The following SPATS2 variants were observed in gnomAD, a reference collection of about 807,000 sequenced individuals.
SPATS2 encodes spermatogenesis associated serine rich 2.
In SPATS2, 38 loss-of-function variants were observed where a neutral mutation model predicts 63.7. The observed-to-expected ratio is 0.60, with a 90% CI of 0.46 to 0.78. The LOEUF is 0.78. SPATS2 is among the 30% of genes least tolerant of loss of function. SPATS2 has a pLI of 0.00. For synonymous variants in SPATS2, 207 were observed against 232.9 expected (o/e 0.89, Z 1.01); for missense variants, 588 against 666.2 (o/e 0.88, Z 1.29).
chr12:49,450,993 C>T (rs879458070), intron 2 of SPATS2, among the ~76,000 whole-genome samples: 5 of 151,574 alleles, frequency 3.3e-5, no homozygotes, highest in South Asian at 2.1e-4. Flanking sequence ...CTCAGCCTCC[C>T]GAGTAACTGG....
At chr12:49,509,054 ACT>A (rs1039060540) in intron 9 of SPATS2, among the ~76,000 whole-genome samples, 1 of 151,598 alleles carries the variant, frequency 6.6e-6, no homozygotes, top group Non-Finnish European at 1.5e-5. Context: ...ACAGAGTGAG[ACT>A]CTGTCTCAAA....
intron 3 of SPATS2, among the ~76,000 whole-genome samples, chr12:49,477,627 C>T (rs1232090291): frequency 6.6e-6 from 1 of 152,048 alleles, no homozygotes; most frequent in Non-Finnish European, 1.5e-5. Context: ...GATGGCGTTA[C>T]TCTTAAATAA....
chr12:49,492,551 G>A (rs1017869581), intron 6 of SPATS2, among the ~76,000 whole-genome samples: 24 of 152,112 alleles, frequency 1.6e-4, no homozygotes, highest in African/African-American at 5.8e-4. Flanking sequence ...ATTAGCCCAG[G>A]ATTATAAGTT....
chr12:49,488,881 C>T (rs757687577), intron 4 of SPATS2, among the ~76,000 whole-genome samples: 5 of 151,926 alleles, frequency 3.3e-5, no homozygotes, highest in Admixed American at 6.6e-5. Flanking sequence ...TCTAGCGAGA[C>T]GAAGAAGGGA....
chr12:49,523,612 T>G (rs1328876785), intron 12 of SPATS2, among the ~76,000 whole-genome samples: 1 of 152,150 alleles, frequency 6.6e-6, no homozygotes, highest in Non-Finnish European at 1.5e-5. Flanking sequence ...AGTGACCTGT[T>G]TGTCAAACCC....
intron 2 of SPATS2, among the ~76,000 whole-genome samples, chr12:49,436,715 C>T (rs1945304074): frequency 2.1e-5 from 3 of 141,378 alleles, no homozygotes; most frequent in Non-Finnish European, 3.1e-5. Context: ...CCGGATGGGG[C>T]GGCTGGCCGG....
chr12:49,518,341 T>G (rs1946884441), intron 10 of SPATS2, among the ~76,000 whole-genome samples: 1 of 152,176 alleles, frequency 6.6e-6, no homozygotes. Flanking sequence ...ATTTTTATTG[T>G]ATGTTCTCTG....
intron 2 of SPATS2, among the ~76,000 whole-genome samples, chr12:49,387,995 T>G (rs941756388): frequency 6.6e-6 from 1 of 152,186 alleles, no homozygotes; most frequent in Non-Finnish European, 1.5e-5. Flanking sequence ...TAGCCCAGCC[T>G]GGCTTCAAAC....
chr12:49,380,705 C>CAAA (rs375474971), intron 2 of SPATS2, among the ~76,000 whole-genome samples: 1 of 145,310 alleles, frequency 6.9e-6, no homozygotes. Context: ...GACTCTGCCT[C>CAAA]AAAAAAAAAA....
chr12:49,416,303 T>C (rs1308546008), intron 2 of SPATS2, among the ~76,000 whole-genome samples: 1 of 151,670 alleles, frequency 6.6e-6, no homozygotes, highest in East Asian at 1.9e-4. Flanking sequence ...GGGCCTGGAG[T>C]CATTATCTCA....
intron 3 of SPATS2, among the ~76,000 whole-genome samples, chr12:49,475,025 A>G (rs755729625): frequency 6.6e-6 from 1 of 152,224 alleles, no homozygotes; most frequent in Admixed American, 6.5e-5. Flanking sequence ...AGCACAGGAA[A>G]GACCTGCACC....
At chr12:49,388,158 G>C in intron 2 of SPATS2, among the ~76,000 whole-genome samples, 1 of 152,052 alleles carries the variant, frequency 6.6e-6, no homozygotes, top group Admixed American at 6.6e-5. Flanking sequence ...ATTAATATTT[G>C]TGTAGCACAT....
intron 2 of SPATS2, among the ~76,000 whole-genome samples, chr12:49,457,542 TC>T (rs1194657906): frequency 6.6e-6 from 1 of 152,084 alleles, no homozygotes. Context: ...CAAGCAATTC[TC>T]CTTCCTCAGC....
intron 3 of SPATS2, among the ~76,000 whole-genome samples, chr12:49,461,472 A>C (rs555439815): frequency 6.6e-6 from 1 of 152,318 alleles, no homozygotes; most frequent in East Asian, 1.9e-4. Context: ...TACAAGGTGC[A>C]AAGAGTCAGG....
chr12:49,403,622 C>CAT (rs1944644858), intron 2 of SPATS2, among the ~76,000 whole-genome samples: 1 of 151,286 alleles, frequency 6.6e-6, no homozygotes, highest in African/African-American at 2.4e-5. Flanking sequence ...CACACACACA[C>CAT]ACACACACAC....
chr12:49,414,597 AG>A (rs1944852951), intron 2 of SPATS2, among the ~76,000 whole-genome samples: 1 of 152,064 alleles, frequency 6.6e-6, no homozygotes, highest in African/African-American at 2.4e-5. Context: ...TTTGCCCAGA[AG>A]GCTTTTTTAT....
At chr12:49,416,934 A>G (rs1944899394) in intron 2 of SPATS2, among the ~76,000 whole-genome samples, 1 of 152,158 alleles carries the variant, frequency 6.6e-6, no homozygotes, top group Non-Finnish European at 1.5e-5. Flanking sequence ...CACCCCACAT[A>G]TATACCTATC....
intron 2 of SPATS2, chr12:49,390,218 G>A: frequency 1.1e-6 from 1 of 940,126 alleles, no homozygotes; most frequent in South Asian, 1.6e-5. Context: ...TCAAATAAGT[G>A]AATGAATGAA....
chr12:49,446,932 C>CTTT (rs568526407), intron 2 of SPATS2, among the ~76,000 whole-genome samples: 1 of 142,864 alleles, frequency 7.0e-6, no homozygotes, highest in Non-Finnish European at 1.5e-5. Flanking sequence ...CTTTTCTTTT[C>CTTT]TTTTTTTTTT....
Sources: gnomAD v4.1 joint callset for allele counts (sites outside exome capture counted in the v4.1 genomes callset) on GRCh38, gnomAD v4.1.1 for gene constraint, MANE v1.5 for transcripts, NCBI Gene and HGNC (gene_info 2026-07-23, HGNC 2026-07-21) for gene names.